ZFR2: variants seen among roughly 807,000 people sequenced by gnomAD.
ZFR2 encodes the protein zinc finger RNA-binding protein 2.
A neutral mutation model predicts 105.7 loss-of-function variants in ZFR2; 104 were observed. The observed-to-expected ratio is 0.98, with a 90% CI of 0.84 to 1.16. The LOEUF (loss-of-function observed/expected upper bound fraction) is 1.16. ZFR2 is among the 50% of genes most tolerant of loss of function. The pLI, the probability that ZFR2 is intolerant of heterozygous loss-of-function variation, is 0.00. For missense variants in ZFR2, 1,425 were observed against 1,355.5 expected, an observed-to-expected ratio of 1.05 and a Z score of -0.80; for synonymous variants, 634 against 597.7, an observed-to-expected ratio of 1.06 and a Z score of -0.89.
At chr19:3,821,601 AG>A in intron 9 of ZFR2, 122 bp from the exon 10 acceptor site, 10 of 637,502 alleles carry the variant, frequency 1.6e-5, no homozygotes, top group Non-Finnish European at 2.2e-5. Flanking sequence ...AATCTCCCAA[AG>A]CCTTTTTTTT....
intron 1 of ZFR2, among the ~76,000 whole-genome samples, chr19:3,856,026 A>C (rs1237001998): frequency 6.6e-6 from 1 of 152,174 alleles, no homozygotes; most frequent in Non-Finnish European, 1.5e-5. Context: ...GCGGATGGAA[A>C]TGGGGGCGAG....
rs982410136 is a variant in ZFR2 at position 3,805,793 on chromosome 19, G to C, written c.*156C>G. ...ATTAAAGGCATGAGCCACAGTGCCC[G>C]GTCTGAAGCACAGGTGTTTTAAAGG... On this transcript the variant is annotated 3_prime_UTR_variant, in exon 19 of 19. Transcript: ENST00000262961. The C allele has an allele frequency of 1.9e-5, 17 of 892,456 alleles. No individual in the cohort carries two copies. Among genetic ancestry groups the C allele is most frequent in the Non-Finnish European group, 2.2e-5 (14 of 633,270 alleles). The allele number at this position is 892,456 out of a possible 1,614,324, so 55.3% of individuals were successfully genotyped here.
intron 1 of ZFR2, 144 bp from the exon 2 acceptor site, chr19:3,835,127 G>T: frequency 1.1e-6 from 1 of 896,908 alleles, no homozygotes. Flanking sequence ...GGCACGGCCG[G>T]AAGCACTTTA....
intron 1 of ZFR2, among the ~76,000 whole-genome samples, chr19:3,863,164 G>C (rs980732232): frequency 2.0e-5 from 3 of 152,222 alleles, no homozygotes; most frequent in Non-Finnish European, 4.4e-5. Flanking sequence ...GTGGCGTCTG[G>C]GCTGGGTATG....
chr19:3,838,610 C>T lies in ZFR2; in HGVS notation c.54-3627G>A, dbSNP rs2038103612. Among the ~76,000 whole-genome samples the T allele has an allele frequency of 6.6e-6, 1 of 152,182 alleles. No homozygotes were observed. Among genetic ancestry groups the T allele is most frequent in the Non-Finnish European group, 1.5e-5 (1 of 68,038 alleles). On this transcript the variant is annotated intron_variant, in intron 1 of 18. Coordinates refer to ENST00000262961, the MANE Select transcript of ZFR2 (RefSeq NM_015174.2). The surrounding 1 kb of genome is among the most constrained non-coding windows in gnomAD (Gnocchi z 4.9). The stretch of plus-strand genomic sequence containing the variant: ...ACCATGCCATCTCCTGCTCAAAGCC[C>T]TCCCAAGGCCCTGCCACAGCCACAT...
At chr19:3,827,946 A>C (rs1260123655) in intron 5 of ZFR2, among the ~76,000 whole-genome samples, 1 of 150,842 alleles carries the variant, frequency 6.6e-6, no homozygotes, top group African/African-American at 2.4e-5. Context: ...TCAGCCTCCT[A>C]AGTACCTGGG....
At position 3,832,327 on chromosome 19, in the gene ZFR2, A is replaced by AT. The variant is rs59657573; in HGVS notation, c.380-450dup. On this transcript the variant is annotated intron_variant, in intron 3 of 18. Transcript: ENST00000262961. ...GGATGTTTTTATTATCATTATTATT[A>AT]TTTTTTTTTTTTTGAGTCGGAGTCT... 2.1e-3 allele frequency among the ~76,000 whole-genome samples: 309 copies of AT among 146,066 alleles called. 1 individual carries two copies. The highest frequency in any genetic ancestry group is 4.4e-3 in the African/African-American group (178 of 40,200).
chr19:3,808,813 G>A (rs978644680), intron 17 of ZFR2, 59 bp downstream of exon 17: 51 of 1,393,048 alleles, frequency 3.7e-5, no homozygotes, highest in Admixed American at 4.7e-5. Context: ...CCATGGCCAC[G>A]GGCCCTGGTC....
chr19:3,824,968 A>G (rs1279890402), intron 7 of ZFR2, among the ~76,000 whole-genome samples: 2 of 152,116 alleles, frequency 1.3e-5, no homozygotes, highest in Non-Finnish European at 2.9e-5. Context: ...ACTCTACAGG[A>G]AGAAATGGCA....
chr19:3,825,117 A>C (rs1599231295), intron 7 of ZFR2, 113 bp downstream of exon 7: 1 of 1,279,730 alleles, frequency 7.8e-7, no homozygotes, highest in East Asian at 3.0e-5. Flanking sequence ...GCCCCTCACC[A>C]CCCCCCGGGA....
intron 5 of ZFR2, among the ~76,000 whole-genome samples, chr19:3,828,613 C>T (rs903516442): frequency 6.6e-6 from 1 of 152,178 alleles, no homozygotes; most frequent in African/African-American, 2.4e-5. Flanking sequence ...CCTACGCATC[C>T]GGTACTACTG....
At chr19:3,809,074 C>T in intron 16 of ZFR2, 91 bp from the exon 17 acceptor site, 1 of 962,574 alleles carries the variant, frequency 1.0e-6, no homozygotes, top group Non-Finnish European at 1.5e-6. Context: ...GACAGGAGGC[C>T]CCCCTCAGCT....
At chr19:3,835,262 C>T (rs2038067809) in intron 1 of ZFR2, among the ~76,000 whole-genome samples, 1 of 152,210 alleles carries the variant, frequency 6.6e-6, no homozygotes, top group Non-Finnish European at 1.5e-5. Flanking sequence ...CTGACTTCCG[C>T]TTTGCAGATG....
rs193208746 is a variant in ZFR2 at position 3,826,394 on chromosome 19, G to C, written c.1036-987C>G. Among the ~76,000 whole-genome samples the C allele has an allele frequency of 1.9e-3, 292 of 151,968 alleles. 2 individuals carry two copies. The highest frequency in any genetic ancestry group is 6.8e-3 in the African/African-American group (282 of 41,452). On this transcript the variant is annotated intron_variant, in intron 6 of 18. Transcript: ENST00000262961. ...CTGTCCCCTCCCTGCTCTCAGGTGG[G>C]GACTCCATCCCCTCCCCGCCGAACA...
At chr19:3,827,711 C>G in intron 5 of ZFR2, 58 bp from the exon 6 acceptor site, 1 of 1,540,826 alleles carries the variant, frequency 6.5e-7, no homozygotes, top group Non-Finnish European at 8.8e-7. Flanking sequence ...CCACTGTCCC[C>G]TCCCCTGCAG....
Position 3,804,382 on chromosome 19 carries a change from G to C in ZFR2, c.*1567C>G, listed in dbSNP as rs1339275875. 3 of 152,288 alleles carry C rather than the reference G, an allele frequency of 2.0e-5. No individual in the cohort carries two copies. The highest frequency in any genetic ancestry group is 4.4e-5 in the Non-Finnish European group (3 of 68,106). 9.4% of individuals were successfully genotyped at this position (152,288 alleles called of 1,614,324 possible). On this transcript the variant is annotated 3_prime_UTR_variant, in exon 19 of 19. Transcript: ENST00000262961. ...GGGTCCCGGGCCCTGCTACCACAAGGGGGGATTGGGGACCCCCTGCCTCAG... is the reference window on the plus strand; with the variant it reads ...GGGTCCCGGGCCCTGCTACCACAAGCGGGGATTGGGGACCCCCTGCCTCAG...
At chr19:3,844,019 G>GT (rs1555757854) in intron 1 of ZFR2, among the ~76,000 whole-genome samples, 5 of 22,370 alleles carry the variant, frequency 2.2e-4, no homozygotes, top group African/African-American at 1.0e-3. Context: ...GATGTGGGGG[G>GT]GGGGGTGCCA....
chr19:3,818,837 C>T (rs1295245740), intron 12 of ZFR2, among the ~76,000 whole-genome samples: 1 of 152,258 alleles, frequency 6.6e-6, no homozygotes, highest in Non-Finnish European at 1.5e-5. Context: ...CAGCACGGAT[C>T]ACCCGCTGCA....
Position 3,841,651 on chromosome 19 carries a change from T to TA in ZFR2, c.54-6669dup, listed in dbSNP as rs1169379943. ...GCCAGACCCTGTCACCACAAAAAATTAAAAAAATTAGCTGGGTGTGGTGGG... is the reference window on the plus strand; with the variant it reads ...GCCAGACCCTGTCACCACAAAAAATTAAAAAAAATTAGCTGGGTGTGGTGGG... On this transcript the variant is annotated intron_variant, in intron 1 of 18. Coordinates refer to ENST00000262961, the MANE Select transcript of ZFR2 (RefSeq NM_015174.2). Among the ~76,000 whole-genome samples the TA allele has an allele frequency of 2.0e-5, 3 of 151,264 alleles. No individual in the cohort carries two copies. The South Asian group carries it at 6.3e-4, about 32-fold the overall frequency.
Sources: gnomAD v4.1 joint callset for allele counts (sites outside exome capture counted in the v4.1 genomes callset) on GRCh38, gnomAD v4.1.1 for gene constraint, Gnocchi (gnomAD v3.1) non-coding constraint, MANE v1.5 for transcripts, NCBI Gene and HGNC (gene_info 2026-07-23, HGNC 2026-07-21) for gene names.